The following GRK4 variants were observed in gnomAD, a reference collection of about 807,000 sequenced individuals.
GRK4 encodes the protein G protein-coupled receptor kinase 2-like.
Under a neutral mutation model 77.9 loss-of-function variants are expected in GRK4, and 73 were observed. The ratio of observed to expected loss-of-function variants is 0.94; its 90% CI spans 0.78 to 1.14. The LOEUF is 1.14. GRK4 is among the 50% of genes most tolerant of loss of function. The probability of loss-of-function intolerance (pLI) is 0.00; values close to 1 mark genes in which losing one functional copy is unlikely to be tolerated. For synonymous variants in GRK4, 257 were observed against 254.4 expected, an observed-to-expected ratio of 1.01 and a Z score of -0.10; for missense variants, 729 against 700.2, an observed-to-expected ratio of 1.04 and a Z score of -0.46.
At chr4:3,019,460 T>C (rs1346003894) in intron 8 of GRK4, among the ~76,000 whole-genome samples, 181 bp from the exon 9 acceptor site, 1 of 152,218 alleles carries the variant, frequency 6.6e-6, no homozygotes, top group Non-Finnish European at 1.5e-5. Flanking sequence ...CGGTAAAATC[T>C]TCAGCATGCC....
At chr4:2,977,676 C>T (rs1029074391) in intron 1 of GRK4, among the ~76,000 whole-genome samples, 1 of 152,164 alleles carries the variant, frequency 6.6e-6, no homozygotes, top group Admixed American at 6.5e-5. Context: ...GTCATCAGCA[C>T]ATGGCTCCCA....
intron 5 of GRK4, among the ~76,000 whole-genome samples, chr4:3,007,408 G>T (rs1313421196): frequency 2.0e-5 from 3 of 152,146 alleles, no homozygotes; most frequent in Non-Finnish European, 4.4e-5. Flanking sequence ...CCATGGCTTT[G>T]ACCTCTATGC....
rs137979610 is a variant in GRK4, at chr4:2,988,745, T to C, written c.167T>C (p.Leu56Pro). 8 of 1,609,692 alleles carry C rather than the reference T, an allele frequency of 5.0e-6. No homozygotes were observed. The Middle Eastern group carries it at 5.0e-4, about 100-fold the overall frequency. Reference protein sequence around the residue: ...RHSIEKDYSSLCDKQPIGRRL... With the variant: ...RHSIEKDYSSPCDKQPIGRRL... ...CACCCAGAAAAGGATTATAGCAGTC[T>C]TTGTGACAAGCAACCGATAGGAAGA... is the stretch of plus-strand genomic sequence containing the variant. The change falls in exon 3 of 16, where the codon CTT (leucine) becomes CCT (proline). Residue 56 changes from leucine to proline, a missense_variant. Leu to Pro is a moderately conservative substitution (Grantham distance 98). Coordinates refer to ENST00000398052, the MANE Select transcript of GRK4 (RefSeq NM_182982.3).
At chr4:3,011,635 C>G (rs1732948514) in intron 7 of GRK4, among the ~76,000 whole-genome samples, 1 of 152,200 alleles carries the variant, frequency 6.6e-6, no homozygotes, top group African/African-American at 2.4e-5. Context: ...CACCCCTACT[C>G]TGAATGCCTG....
intron 1 of GRK4, among the ~76,000 whole-genome samples, chr4:2,977,692 C>T (rs565866334): frequency 6.6e-6 from 1 of 152,178 alleles, no homozygotes; most frequent in Admixed American, 6.5e-5. Context: ...TCCCAAGATC[C>T]TCCTGTGGAT....
intron 4 of GRK4, among the ~76,000 whole-genome samples, chr4:3,001,636 G>A (rs1469051163): frequency 6.6e-6 from 1 of 151,918 alleles, no homozygotes; most frequent in Non-Finnish European, 1.5e-5. Flanking sequence ...CAAAGTAGTG[G>A]GATTACAGGC....
At chr4:2,996,874 C>G (rs1232783123) in intron 4 of GRK4, among the ~76,000 whole-genome samples, 3 of 152,030 alleles carry the variant, frequency 2.0e-5, no homozygotes, top group Non-Finnish European at 4.4e-5. Context: ...CTTTTCTTGT[C>G]TTTTATTTTA....
At chr4:3,006,950 C>T (rs942737819) in intron 5 of GRK4, among the ~76,000 whole-genome samples, 9 of 152,168 alleles carry the variant, frequency 5.9e-5, no homozygotes, top group Admixed American at 1.3e-4. Context: ...TTTCAGTCCA[C>T]GCTTTTGTCC....
Position 3,029,239 on chromosome 4 carries a change from C to G in GRK4, c.1099C>G (p.Pro367Ala). ...CAATAATGAAAAGTATACGTTTAGT[C>G]CCGATTGGTGGGGACTTGGCTGTCT... is the stretch of plus-strand genomic sequence containing the variant. ...VVNNEKYTFS[P>A]DWWGLGCLIY... Residue 367 changes from proline to alanine, a missense_variant, in exon 12 of 16, where the codon CCC becomes GCC. By Grantham distance (27) the Pro-to-Ala change is conservative. Coordinates refer to ENST00000398052, the MANE Select transcript of GRK4 (RefSeq NM_182982.3). 1 of 1,614,028 alleles carries G rather than the reference C, an allele frequency of 6.2e-7. No homozygotes were observed. The highest frequency in any genetic ancestry group is 8.5e-7 in the Non-Finnish European group (1 of 1,179,902).
At chr4:2,996,255 C>T (rs2515938) in intron 4 of GRK4, among the ~76,000 whole-genome samples, 45,469 of 151,948 alleles carry the variant, frequency 0.3, 7,047 homozygotes, top group Non-Finnish European at 0.33. Context: ...GAAGGTGGAA[C>T]CTCTTAAATG....
chr4:2,965,486 A>G (rs1450999765), intron 1 of GRK4: 2 of 702,748 alleles, frequency 2.8e-6, no homozygotes, highest in Admixed American at 2.0e-5. Context: ...CTCTGCTCGG[A>G]CTGTGCTCCA....
At chr4:2,995,762 C>T (rs1727675701) in intron 4 of GRK4, among the ~76,000 whole-genome samples, 1 of 152,002 alleles carries the variant, frequency 6.6e-6, no homozygotes, top group African/African-American at 2.4e-5. Flanking sequence ...GCTCTACTGG[C>T]CTTGGTTACT....
At chr4:2,967,232 A>G (rs1717985019) in intron 1 of GRK4, among the ~76,000 whole-genome samples, 1 of 152,240 alleles carries the variant, frequency 6.6e-6, no homozygotes, top group Admixed American at 6.5e-5. Context: ...CTCAGTTTAT[A>G]GTATTTTGTT....
intron 10 of GRK4, among the ~76,000 whole-genome samples, chr4:3,027,443 T>C (rs1737883663): frequency 1.3e-5 from 2 of 152,212 alleles, no homozygotes; most frequent in South Asian, 4.1e-4. Context: ...CTTAATTTTG[T>C]TTATTATTTC....
chr4:2,990,246 C>CTTTTTTTTTTTTTTTTTTTTTTTTTTTTT (rs71644371), intron 3 of GRK4, among the ~76,000 whole-genome samples: 1 of 70,716 alleles, frequency 1.4e-5, no homozygotes, highest in Non-Finnish European at 2.6e-5. Context: ...TCTTCTTCTT[C>CTTTTTTTTTTTTTTTTTTTTTTTTTTTTT]TTTTTTTTTT....
At chr4:3,007,894 T>C in intron 6 of GRK4, 66 bp downstream of exon 6, 1 of 1,072,066 alleles carries the variant, frequency 9.3e-7, no homozygotes, top group East Asian at 2.4e-5. Context: ...TCCCAGCTAC[T>C]CAGGAGGCTG....
At chr4:3,037,293 T>G in intron 13 of GRK4, 81 bp from the exon 14 acceptor site, 4 of 1,378,368 alleles carry the variant, frequency 2.9e-6, no homozygotes, top group Non-Finnish European at 4.0e-6. Context: ...GTCAGTTTGC[T>G]GGGCGTTTCA....
chr4:2,972,501 A>G (rs1384201340), intron 1 of GRK4, among the ~76,000 whole-genome samples: 3 of 151,738 alleles, frequency 2.0e-5, no homozygotes, highest in Admixed American at 6.6e-5. Flanking sequence ...GCTAGGGTTC[A>G]CCAGCACGTG....
intron 12 of GRK4, among the ~76,000 whole-genome samples, chr4:3,030,589 G>A (rs1039681715): frequency 1.3e-5 from 2 of 152,164 alleles, no homozygotes; most frequent in Non-Finnish European, 1.5e-5. Context: ...TGGGCTGTGG[G>A]GAGGACCCGC....
Sources: gnomAD v4.1 joint callset for allele counts (sites outside exome capture counted in the v4.1 genomes callset) on GRCh38, gnomAD v4.1.1 for gene constraint, MANE v1.5 for transcripts, NCBI Gene and HGNC (gene_info 2026-07-23, HGNC 2026-07-21) for gene names.